The following SLC41A2 variants were observed in gnomAD, a reference collection of about 807,000 sequenced individuals.
SLC41A2 encodes SLC41A1-like 1.
In SLC41A2, 32 loss-of-function variants were observed where a neutral mutation model predicts 58.3. The observed-to-expected ratio is 0.55, with a 90% CI of 0.41 to 0.74. The LOEUF is 0.74. Ranked by LOEUF, SLC41A2 falls within the 30% of genes least tolerant of loss-of-function variation. The pLI, the probability that SLC41A2 is intolerant of heterozygous loss-of-function variation, is 0.00. For missense variants in SLC41A2, 514 were observed against 680.6 expected, an observed-to-expected ratio of 0.76 and a Z score of 2.72; for synonymous variants, 190 against 235.0, an observed-to-expected ratio of 0.81 and a Z score of 1.75.
At chr12:104,937,023 T>C (rs2047310585) in intron 1 of SLC41A2, among the ~76,000 whole-genome samples, 1 of 152,190 alleles carries the variant, frequency 6.6e-6, no homozygotes, top group Non-Finnish European at 1.5e-5. Context: ...AGGCAGGAGT[T>C]TTCCTTGAGT....
At chr12:104,860,249 G>A (rs1233885637) in intron 8 of SLC41A2, among the ~76,000 whole-genome samples, 1 of 151,970 alleles carries the variant, frequency 6.6e-6, no homozygotes, top group African/African-American at 2.4e-5. Context: ...GGGGGCAAGG[G>A]GAGGGAGAGC....
Position 104,897,528 on chromosome 12 carries a change from A to G in SLC41A2, c.664-2183T>C, listed in dbSNP as rs148854765. 8.5e-3 allele frequency among the ~76,000 whole-genome samples: 1,299 copies of G among 152,150 alleles called. 17 individuals are homozygous for G. Among genetic ancestry groups the G allele is most frequent in the African/African-American group, 0.029 (1,196 of 41,498 alleles). The stretch of plus-strand genomic sequence containing the variant: ...AATTAATTTGTTTTATAAATGATGA[A>G]GATCACTTTCTCTGAGACCCTTTCT... On this transcript the variant is annotated intron_variant, in intron 3 of 10. Transcript: ENST00000258538.
At chr12:104,859,716 T>C (rs2043136836) in intron 8 of SLC41A2, among the ~76,000 whole-genome samples, 1 of 152,152 alleles carries the variant, frequency 6.6e-6, no homozygotes, top group African/African-American at 2.4e-5. Flanking sequence ...ATGTCATATA[T>C]ATTTTTTACA....
At chr12:104,927,232 C>T (rs907587464) in intron 2 of SLC41A2, among the ~76,000 whole-genome samples, 1 of 152,026 alleles carries the variant, frequency 6.6e-6, no homozygotes, top group Non-Finnish European at 1.5e-5. Flanking sequence ...TCCAACAATG[C>T]TGTTTTTAAA....
intron 6 of SLC41A2, among the ~76,000 whole-genome samples, chr12:104,880,881 G>C (rs568045986): frequency 8.5e-5 from 13 of 152,164 alleles, no homozygotes; most frequent in Non-Finnish European, 1.6e-4. Flanking sequence ...AATAGTTTCA[G>C]AAGGAATGAT....
At chr12:104,807,386 C>T (rs2040962078) in intron 10 of SLC41A2, among the ~76,000 whole-genome samples, 1 of 152,090 alleles carries the variant, frequency 6.6e-6, no homozygotes, top group South Asian at 2.1e-4. Context: ...AGATATGTGG[C>T]ATTATTTCTG....
chr12:104,915,509 G>T (rs925756330), intron 2 of SLC41A2, among the ~76,000 whole-genome samples: 1 of 152,076 alleles, frequency 6.6e-6, no homozygotes, highest in Non-Finnish European at 1.5e-5. Context: ...AGATTCCTAG[G>T]TATTTTATTC....
intron 10 of SLC41A2, among the ~76,000 whole-genome samples, chr12:104,822,356 A>G (rs1026831400): frequency 1.1e-4 from 16 of 152,206 alleles, no homozygotes; most frequent in Admixed American, 7.9e-4. Context: ...CACTTCAAAT[A>G]GGCCTTCTGC....
At chr12:104,823,186 A>G (rs73396157) in intron 10 of SLC41A2, among the ~76,000 whole-genome samples, 3,733 of 152,260 alleles carry the variant, frequency 0.025, 100 homozygotes, top group East Asian at 0.15. Flanking sequence ...GAAATGCCAA[A>G]ACTCTATGTT....
chr12:104,883,943 AGAGGTG>A (rs1435436521), intron 6 of SLC41A2, among the ~76,000 whole-genome samples: 1 of 152,234 alleles, frequency 6.6e-6, no homozygotes, highest in Non-Finnish European at 1.5e-5. Context: ...TCCTGCTTCC[AGAGGTG>A]GAGTCTACAG....
chr12:104,945,693 A>G (rs1337349207), intron 1 of SLC41A2, among the ~76,000 whole-genome samples: 2 of 152,204 alleles, frequency 1.3e-5, no homozygotes, highest in Non-Finnish European at 2.9e-5. Context: ...TTCATAACAT[A>G]TCCAAAAAAT....
intron 2 of SLC41A2, among the ~76,000 whole-genome samples, chr12:104,912,379 T>C (rs2046124148): frequency 6.6e-6 from 1 of 151,952 alleles, no homozygotes; most frequent in Non-Finnish European, 1.5e-5. Flanking sequence ...ACAAACACCT[T>C]TGGGGAGGAT....
At chr12:104,912,833 T>C (rs2046143591) in intron 2 of SLC41A2, among the ~76,000 whole-genome samples, 2 of 152,166 alleles carry the variant, frequency 1.3e-5, no homozygotes, top group African/African-American at 4.8e-5. Flanking sequence ...CTCTGGATAA[T>C]GTCAGAATTG....
chr12:104,900,143 G>A (rs1317655663), intron 3 of SLC41A2, among the ~76,000 whole-genome samples: 4 of 152,094 alleles, frequency 2.6e-5, no homozygotes, highest in South Asian at 2.1e-4. Context: ...TCCCTCAGGC[G>A]AAAACATCAC....
chr12:104,892,328 A>AAAAAAAAAAAAAAAAAAAAAAC (rs1272873332), intron 4 of SLC41A2, among the ~76,000 whole-genome samples: 8 of 126,924 alleles, frequency 6.3e-5, no homozygotes, highest in African/African-American at 3.0e-4. Flanking sequence ...AAATAAAATA[A>AAAAAAAAAAAAAAAAAAAAAAC]AATAAAATAT....
intron 6 of SLC41A2, 63 bp downstream of exon 6, chr12:104,886,230 G>T: frequency 6.5e-7 from 1 of 1,549,816 alleles, no homozygotes; most frequent in Non-Finnish European, 8.8e-7. Flanking sequence ...TGGCATTGCT[G>T]CAACAATATT....
intron 10 of SLC41A2, among the ~76,000 whole-genome samples, chr12:104,831,598 G>T (rs2042038095): frequency 6.6e-6 from 1 of 152,088 alleles, no homozygotes; most frequent in African/African-American, 2.4e-5. Context: ...TATTACACTT[G>T]TTGAGAATGT....
intron 10 of SLC41A2, among the ~76,000 whole-genome samples, chr12:104,835,598 T>C (rs575800788): frequency 1.3e-5 from 2 of 152,312 alleles, no homozygotes; most frequent in East Asian, 1.9e-4. Flanking sequence ...TCTCCCACTA[T>C]TGAACTTCCA....
chr12:104,824,326 G>A (rs185260649), intron 10 of SLC41A2, among the ~76,000 whole-genome samples: 97 of 151,854 alleles, frequency 6.4e-4, no homozygotes, highest in African/African-American at 1.7e-3. Context: ...ACATATGGGC[G>A]GCTGAACATC....
Sources: allele counts gnomAD v4.1 joint callset (sites outside exome capture counted in the v4.1 genomes callset), GRCh38; gene constraint gnomAD v4.1.1; transcripts MANE v1.5; gene names NCBI Gene and HGNC (gene_info 2026-07-23, HGNC 2026-07-21).